ARHGAP19: variants seen among roughly 807,000 people sequenced by gnomAD.
ARHGAP19 encodes rho GTPase-activating protein 19.
ARHGAP19 carries 48 observed loss-of-function variants against 60.9 expected under a neutral mutation model. The observed-to-expected ratio is 0.79, with a 90% confidence interval of 0.62 to 1.00. ARHGAP19 has a LOEUF of 1.00. Ranked by LOEUF, ARHGAP19 falls within the 50% of genes least tolerant of loss-of-function variation. ARHGAP19 has a pLI of 0.00. For synonymous variants in ARHGAP19, 209 were observed against 215.5 expected (o/e 0.97, Z 0.27); for missense variants, 562 against 597.2 (o/e 0.94, Z 0.61).
chr10:97,292,442 CGACGAT>C, intron 1 of ARHGAP19, 124 bp downstream of exon 1: 2 of 1,234,752 alleles, frequency 1.6e-6, no homozygotes, highest in Non-Finnish European at 1.2e-6. Context: ...CCCGCAGGCG[CGACGAT>C]GAGAAACGCC....
chr10:97,278,967 C>G lies in ARHGAP19; in HGVS notation c.57-12842G>C, dbSNP rs1479707201. Among the ~76,000 whole-genome samples, 3 of 152,196 alleles carry G rather than the reference C, an allele frequency of 2.0e-5. No homozygotes were observed. The East Asian group carries it at 5.8e-4, about 29-fold the overall frequency. ...TTGGCAAGATTTATCAAAATATGAG[C>G]TATATTTAAAGTTGTCTAAATCTGA... On this transcript the variant is annotated intron_variant, in intron 1 of 11. Coordinates refer to ENST00000358531, the MANE Select transcript of ARHGAP19 (RefSeq NM_032900.6).
chr10:97,277,963 C>G (rs375270184), intron 1 of ARHGAP19: 1 of 152,232 alleles, frequency 6.6e-6, no homozygotes, highest in Non-Finnish European at 1.5e-5. Context: ...CACAAGTCTG[C>G]CTTTCTCTTC....
chr10:97,258,711 G>A (rs1278070448), intron 5 of ARHGAP19: 2 of 152,708 alleles, frequency 1.3e-5, no homozygotes, highest in Non-Finnish European at 2.9e-5. Context: ...ACAGTGAGTA[G>A]TGATTGTGTT....
intron 8 of ARHGAP19, among the ~76,000 whole-genome samples, chr10:97,236,743 G>C (rs1842385077): frequency 6.7e-6 from 1 of 149,022 alleles, no homozygotes; most frequent in Non-Finnish European, 1.5e-5. Context: ...AGCCCAGGGA[G>C]GTCGAGGCTG....
chr10:97,229,376 C>T, intron 10 of ARHGAP19, 151 bp from the exon 11 acceptor site: 1 of 712,792 alleles, frequency 1.4e-6, no homozygotes. Context: ...AACTGATTTA[C>T]TGCTGGCTTA....
intron 6 of ARHGAP19, 109 bp downstream of exon 6, chr10:97,256,209 C>T (rs1467298108): frequency 3.4e-6 from 3 of 888,714 alleles, no homozygotes; most frequent in Admixed American, 1.9e-5. Flanking sequence ...GGTTTGCAAT[C>T]CCATTCAGGA....
intron 1 of ARHGAP19, among the ~76,000 whole-genome samples, chr10:97,280,584 ATT>A (rs879779202): frequency 7.0e-6 from 1 of 143,560 alleles, no homozygotes; most frequent in Admixed American, 7.0e-5. Context: ...CTCTTTTCCT[ATT>A]TTTTTTTTTT....
chr10:97,270,979 C>G (rs560953304), intron 1 of ARHGAP19, among the ~76,000 whole-genome samples: 2 of 152,142 alleles, frequency 1.3e-5, no homozygotes, highest in Non-Finnish European at 2.9e-5. Flanking sequence ...TGATCCCTAC[C>G]TCACATCACA....
chr10:97,271,586 T>C (rs556802107), intron 1 of ARHGAP19, among the ~76,000 whole-genome samples: 10 of 152,080 alleles, frequency 6.6e-5, no homozygotes, highest in East Asian at 1.9e-4. Flanking sequence ...TTACAAGTTA[T>C]CAGAATAAAG....
At chr10:97,255,241 A>T (rs1255384085) in intron 6 of ARHGAP19, among the ~76,000 whole-genome samples, 2 of 152,220 alleles carry the variant, frequency 1.3e-5, no homozygotes, top group African/African-American at 4.8e-5. Context: ...ACTGCAAGAA[A>T]AAAAGAAACC....
intron 11 of ARHGAP19, among the ~76,000 whole-genome samples, chr10:97,228,555 A>G (rs1850942433): frequency 6.6e-6 from 1 of 152,226 alleles, no homozygotes; most frequent in Non-Finnish European, 1.5e-5. Flanking sequence ...AGGACTAACC[A>G]CAAATCTCAC....
chr10:97,229,878 AT>A lies in ARHGAP19; in HGVS notation c.1285-5del. On this transcript the variant is annotated splice_polypyrimidine_tract_variant and splice_region_variant and intron_variant, in intron 9 of 11. Transcript: ENST00000358531. ...TCTGATTTCCCAGGACCTTCCGCTG[AT>A]TTAAGAACAGAAAACATTTGATTTA... 6.3e-7 allele frequency: 1 copy of A among 1,581,698 alleles called. No individual in the cohort carries two copies. Among genetic ancestry groups the A allele is most frequent in the South Asian group, 1.1e-5 (1 of 88,996 alleles).
rs576657141 is a variant in ARHGAP19, at chr10:97,265,677, T to G, written c.322+183A>C. 1.6e-5 allele frequency: 10 copies of G among 638,090 alleles called. No individual in the cohort carries two copies. In the African/African-American group the frequency reaches 1.8e-4, roughly 12 times the overall value. The allele number at this position is 638,090 out of a possible 1,614,324, so 39.5% of individuals were successfully genotyped here. A position where few individuals can be genotyped will look rare whatever the true frequency, so the allele number is the denominator to read the frequency against. On this transcript the variant is annotated intron_variant, in intron 2 of 11. Coordinates refer to ENST00000358531, the MANE Select transcript of ARHGAP19 (RefSeq NM_032900.6). ...TATTTGCTTTAGTTTAATTATTTATTTATCTAGACAGTTTTTATAATTTGT... is the reference window on the plus strand; with the variant it reads ...TATTTGCTTTAGTTTAATTATTTATGTATCTAGACAGTTTTTATAATTTGT...
At chr10:97,282,751 T>C (rs1843101256) in intron 1 of ARHGAP19, among the ~76,000 whole-genome samples, 1 of 152,124 alleles carries the variant, frequency 6.6e-6, no homozygotes, top group South Asian at 2.1e-4. Context: ...TACTTCTTAC[T>C]AGCCAATTCC....
chr10:97,244,143 A>G lies in ARHGAP19; in HGVS notation c.1010T>C (p.Ile337Thr). 2 of 1,611,448 alleles carry G rather than the reference A, an allele frequency of 1.2e-6. No individual in the cohort carries two copies. Among genetic ancestry groups the G allele is most frequent in the Non-Finnish European group, 1.7e-6 (2 of 1,179,022 alleles). ...AAAGGACTTAGTATGACATGAAGCT[A>G]TGAGGTCAAGGTCATCCTAAGGAAA... The part of the protein sequence containing the change: ...TQASKDDLDL[I>T]ASCHTKSFQL... Residue 337 changes from isoleucine (I) to threonine (T), a missense_variant, in exon 8 of 12, where the codon ATA becomes ACA. Coordinates refer to ENST00000358531, the MANE Select transcript of ARHGAP19 (RefSeq NM_032900.6).
intron 8 of ARHGAP19, 97 bp downstream of exon 8, chr10:97,243,871 C>A (rs774906184): frequency 2.4e-6 from 3 of 1,274,684 alleles, no homozygotes; most frequent in Admixed American, 4.8e-5. Context: ...TCAGCTGAAC[C>A]AAAAATTAAA....
rs567305690 is a variant in ARHGAP19 at position 97,227,933 on chromosome 10, G to A, written c.1474+1214C>T. ...GTCAATACAGAAAGGTATTATTTCC[G>A]CATGTCTTTCAAAAATGACAGCAAC... On this transcript the variant is annotated intron_variant, in intron 11 of 11. Transcript: ENST00000358531. 8.5e-5 allele frequency among the ~76,000 whole-genome samples: 13 copies of A among 152,188 alleles called. No homozygotes were observed. The South Asian group carries it at 1.9e-3, about 22-fold the overall frequency.
chr10:97,246,491 C>T (rs751632548), intron 6 of ARHGAP19, among the ~76,000 whole-genome samples, 154 bp from the exon 7 acceptor site: 2 of 152,160 alleles, frequency 1.3e-5, no homozygotes, highest in African/African-American at 2.4e-5. Flanking sequence ...TCCATAGCTT[C>T]CTTTCTCTTG....
At chr10:97,263,681 T>A (rs1186315172) in intron 3 of ARHGAP19, 52 bp from the exon 4 acceptor site, 10 of 1,541,450 alleles carry the variant, frequency 6.5e-6, no homozygotes, top group Non-Finnish European at 9.0e-6. Flanking sequence ...GCAGAAAGAT[T>A]ATTATTAAAA....
Sources: gnomAD v4.1 joint callset for allele counts (sites outside exome capture counted in the v4.1 genomes callset) on GRCh38, gnomAD v4.1.1 for gene constraint, MANE v1.5 for transcripts, NCBI Gene and HGNC (gene_info 2026-07-23, HGNC 2026-07-21) for gene names.